LRMDA: variants seen among roughly 807,000 people sequenced by gnomAD.
LRMDA encodes the protein leucine-rich melanocyte differentiation-associated protein.
LRMDA carries 18 observed loss-of-function variants against 29.8 expected under a neutral mutation model. That is an observed-to-expected ratio of 0.60 (90% CI 0.42 to 0.90). LRMDA has a LOEUF of 0.90. LRMDA is among the 40% of genes least tolerant of loss of function. LRMDA has a pLI of 0.00. For missense variants in LRMDA, 273 were observed against 273.9 expected, an observed-to-expected ratio of 1.00 and a Z score of 0.02; for synonymous variants, 125 against 109.4, an observed-to-expected ratio of 1.14 and a Z score of -0.89.
chr10:75,891,780 T>C (rs756001676), intron 2 of LRMDA, among the ~76,000 whole-genome samples: 4 of 152,274 alleles, frequency 2.6e-5, no homozygotes, highest in African/African-American at 9.6e-5. Flanking sequence ...GGAAATACCA[T>C]GTAAGAGACA....
At chr10:76,118,193 G>C (rs1260660534) in intron 5 of LRMDA, among the ~76,000 whole-genome samples, 1 of 152,188 alleles carries the variant, frequency 6.6e-6, no homozygotes, top group Non-Finnish European at 1.5e-5. Context: ...TGAAGTTTGT[G>C]AATGATGTAC....
intron 2 of LRMDA, among the ~76,000 whole-genome samples, chr10:75,490,431 A>C (rs1844972892): frequency 6.6e-6 from 1 of 152,056 alleles, no homozygotes; most frequent in Non-Finnish European, 1.5e-5. Flanking sequence ...GAATTCTAGA[A>C]TGTCAGCTTC....
At chr10:75,674,909 G>T (rs1045639403) in intron 2 of LRMDA, among the ~76,000 whole-genome samples, 3 of 152,124 alleles carry the variant, frequency 2.0e-5, no homozygotes, top group African/African-American at 4.8e-5. Flanking sequence ...TTTCGTTGTG[G>T]TTTCAATCAG....
intron 5 of LRMDA, among the ~76,000 whole-genome samples, chr10:76,188,524 C>G (rs982749193): frequency 6.6e-6 from 1 of 152,134 alleles, no homozygotes; most frequent in African/African-American, 2.4e-5. Flanking sequence ...GGCTAGTTCC[C>G]TCTTGCGGGG....
chr10:75,674,302 G>C (rs920838829), intron 2 of LRMDA, among the ~76,000 whole-genome samples: 2 of 152,092 alleles, frequency 1.3e-5, no homozygotes, highest in Non-Finnish European at 2.9e-5. Context: ...TGGGCAACCC[G>C]CACAACACCT....
chr10:75,829,255 A>G (rs974487565), intron 2 of LRMDA, among the ~76,000 whole-genome samples: 27 of 152,030 alleles, frequency 1.8e-4, no homozygotes, highest in Admixed American at 5.2e-4. Context: ...GGCCAGCTCA[A>G]CACTTCAGCT....
chr10:76,060,144 A>G (rs561427670), intron 5 of LRMDA, among the ~76,000 whole-genome samples: 6 of 152,340 alleles, frequency 3.9e-5, no homozygotes, highest in Non-Finnish European at 8.8e-5. Flanking sequence ...CAGCAAAAGT[A>G]CAACAAATGC....
chr10:76,059,982 C>A (rs1376303578), intron 5 of LRMDA, among the ~76,000 whole-genome samples: 1 of 152,160 alleles, frequency 6.6e-6, no homozygotes, highest in African/African-American at 2.4e-5. Context: ...TAACAGTGCT[C>A]CCTATCGAGG....
At chr10:76,107,680 G>T (rs58908339) in intron 5 of LRMDA, among the ~76,000 whole-genome samples, 3 of 152,192 alleles carry the variant, frequency 2.0e-5, no homozygotes, top group African/African-American at 7.2e-5. Flanking sequence ...TCCCCCTTTT[G>T]CTGGTCTCTG....
At chr10:75,835,541 T>C (rs923959570) in intron 2 of LRMDA, among the ~76,000 whole-genome samples, 12 of 152,224 alleles carry the variant, frequency 7.9e-5, no homozygotes, top group African/African-American at 2.9e-4. Context: ...TAGCCTACCA[T>C]ATCGCTATTA....
At chr10:75,928,357 T>C (rs1418260563) in intron 2 of LRMDA, among the ~76,000 whole-genome samples, 1 of 151,822 alleles carries the variant, frequency 6.6e-6, no homozygotes, top group Non-Finnish European at 1.5e-5. Flanking sequence ...AAAAGCAGGA[T>C]TGCGTGATAC....
At chr10:75,820,788 AAAG>A (rs2132280661) in intron 2 of LRMDA, among the ~76,000 whole-genome samples, 1 of 152,306 alleles carries the variant, frequency 6.6e-6, no homozygotes, top group African/African-American at 2.4e-5. Flanking sequence ...AGCAAAGAAA[AAAG>A]AAGAGTCACA....
intron 5 of LRMDA, among the ~76,000 whole-genome samples, chr10:76,284,813 A>G (rs1840251320): frequency 6.6e-6 from 1 of 152,038 alleles, no homozygotes; most frequent in African/African-American, 2.4e-5. Flanking sequence ...CTCTCATGAG[A>G]TCTGCTGGTT....
intron 2 of LRMDA, among the ~76,000 whole-genome samples, chr10:75,456,956 A>T (rs979156283): frequency 6.6e-6 from 1 of 152,210 alleles, no homozygotes; most frequent in Non-Finnish European, 1.5e-5. Context: ...GATTATAGGC[A>T]TGAGTCACCT....
At chr10:75,900,667 C>T (rs1472940025) in intron 2 of LRMDA, among the ~76,000 whole-genome samples, 1 of 152,116 alleles carries the variant, frequency 6.6e-6, no homozygotes, top group African/African-American at 2.4e-5. Flanking sequence ...TTTCATGTAC[C>T]CACAGTTGCC....
At chr10:75,637,975 C>T (rs562469409) in intron 2 of LRMDA, among the ~76,000 whole-genome samples, 44 of 152,332 alleles carry the variant, frequency 2.9e-4, no homozygotes, top group Non-Finnish European at 4.4e-5. Context: ...CAGAGACCCT[C>T]AAATAACTCC....
chr10:76,285,091 C>T (rs1840255348), intron 5 of LRMDA, among the ~76,000 whole-genome samples: 2 of 152,150 alleles, frequency 1.3e-5, no homozygotes, highest in Admixed American at 1.3e-4. Flanking sequence ...GTGATCATGT[C>T]TGTTTCATTC....
chr10:76,014,713 C>T (rs1847854052), intron 2 of LRMDA, among the ~76,000 whole-genome samples: 1 of 152,236 alleles, frequency 6.6e-6, no homozygotes, highest in Non-Finnish European at 1.5e-5. Context: ...TAGGCTCCTT[C>T]TAAAGCTTAG....
Position 75,693,252 on chromosome 10 carries a change from C to G in LRMDA, c.131+254758C>G, listed in dbSNP as rs141579036. Reference sequence around the variant, plus strand: ...GAGTGAGGGAGAGAAAAAAGTACCACAAATAAATTATCTCCTATTTGTGCA... The same window carrying G: ...GAGTGAGGGAGAGAAAAAAGTACCAGAAATAAATTATCTCCTATTTGTGCA... On this transcript the variant is annotated intron_variant, in intron 2 of 6. Transcript: ENST00000611255. 1.8e-4 allele frequency among the ~76,000 whole-genome samples: 27 copies of G among 152,324 alleles called. No individual in the cohort carries two copies. In the East Asian group the frequency reaches 5.2e-3, roughly 29 times the overall value.
Sources: gnomAD v4.1 joint callset for allele counts (sites outside exome capture counted in the v4.1 genomes callset) on GRCh38, gnomAD v4.1.1 for gene constraint, MANE v1.5 for transcripts, NCBI Gene and HGNC (gene_info 2026-07-23, HGNC 2026-07-21) for gene names.